Variants in ACMSD observed in about 807,000 individuals in gnomAD.
ACMSD encodes the protein aminocarboxymuconate semialdehyde decarboxylase, also known as 2-amino-3-carboxymuconate-6-semialdehyde decarboxylase.
A neutral mutation model predicts 45.9 loss-of-function variants in ACMSD; 37 were observed. The observed-to-expected ratio is 0.81, with a 90% CI of 0.62 to 1.06. The LOEUF (loss-of-function observed/expected upper bound fraction) is 1.06. Among genes scored for constraint, ACMSD ranks in the 50% least tolerant of loss-of-function variants. The probability of loss-of-function intolerance (pLI) is 0.00; values close to 1 mark genes in which losing one functional copy is unlikely to be tolerated. For synonymous variants in ACMSD, 138 were observed against 148.8 expected (o/e 0.93, Z 0.53); for missense variants, 434 against 420.9 (o/e 1.03, Z -0.27).
intron 8 of ACMSD, among the ~76,000 whole-genome samples, chr2:134,885,305 A>ATATAT: frequency 1.2e-4 from 6 of 49,434 alleles, no homozygotes; most frequent in Admixed American, 8.2e-4. Context: ...ATATATATTT[A>ATATAT]AATATATATA....
chr2:134,847,409 T>C (rs1291275600), intron 2 of ACMSD, among the ~76,000 whole-genome samples: 3 of 140,892 alleles, frequency 2.1e-5, no homozygotes, highest in Non-Finnish European at 4.5e-5. Context: ...GATAGATAGA[T>C]AGATAGATAG....
intron 2 of ACMSD, among the ~76,000 whole-genome samples, chr2:134,856,129 T>C (rs980110711): frequency 3.8e-4 from 58 of 152,226 alleles, no homozygotes; most frequent in African/African-American, 1.1e-3. Flanking sequence ...TTTATATGGA[T>C]TATCTTATTT....
rs370574477 is a variant in ACMSD, at chr2:134,872,533, T to C, written c.741T>C (p.Cys247=). Residue 247 remains cysteine (C), a synonymous_variant, in exon 8 of 10, where the codon TGT becomes TGC. Transcript: ENST00000356140. ...GATTCAGCATGCGCCCAGATCTGTGTGCCCAGGACAACCCCATGAACCCGA... is the reference window on the plus strand; with the variant it reads ...GATTCAGCATGCGCCCAGATCTGTGCGCCCAGGACAACCCCATGAACCCGA... ...SHGFSMRPDL[C]AQDNPMNPKK... 2 of 1,614,048 alleles carry C rather than the reference T, an allele frequency of 1.2e-6. No individual in the cohort carries two copies. Among genetic ancestry groups the C allele is most frequent in the African/African-American group, 2.7e-5 (2 of 74,926 alleles).
intron 8 of ACMSD, among the ~76,000 whole-genome samples, chr2:134,894,184 T>A (rs1244301189): frequency 6.6e-6 from 1 of 151,772 alleles, no homozygotes; most frequent in African/African-American, 2.4e-5. Flanking sequence ...CAAAATTTGG[T>A]TCTTTGAAAA....
intron 3 of ACMSD, among the ~76,000 whole-genome samples, chr2:134,860,119 C>T (rs948540939): frequency 2.6e-5 from 4 of 152,224 alleles, no homozygotes; most frequent in African/African-American, 7.2e-5. Context: ...AAAAATTAGC[C>T]AGGCATGCTG....
In ACMSD at chr2:134,872,479, C is replaced by G; in HGVS notation, c.687C>G (p.Phe229Leu). 1 of 1,614,154 alleles carries G rather than the reference C, an allele frequency of 6.2e-7. No individual in the cohort carries two copies. The highest frequency in any genetic ancestry group is 8.5e-7 in the Non-Finnish European group (1 of 1,180,026). Residue 229 changes from phenylalanine (F) to leucine (L), a missense_variant, in exon 8 of 10, where the codon TTC becomes TTG. By Grantham distance (22) the Phe-to-Leu change is conservative. Transcript: ENST00000356140. ...KVCFAHGGGA[F>L]PFTVGRISHG... is the part of the protein sequence containing the mutation. ...GGGTTTTACTTGCAGGTGGTGCCTT[C>G]CCCTTCACAGTGGGAAGAATCTCCC...
intron 2 of ACMSD, among the ~76,000 whole-genome samples, chr2:134,852,972 GGCCATCAT>G (rs757090177): frequency 1.2e-4 from 19 of 152,084 alleles, no homozygotes; most frequent in Non-Finnish European, 2.8e-4. Flanking sequence ...AGACCAGCCT[GGCCATCAT>G]GGTGAAACCC....
chr2:134,878,705 T>A (rs1688883111), intron 8 of ACMSD, among the ~76,000 whole-genome samples: 3 of 152,340 alleles, frequency 2.0e-5, no homozygotes, highest in Non-Finnish European at 4.4e-5. Flanking sequence ...GCTGAGCAGT[T>A]TGTACAGACT....
intron 9 of ACMSD, among the ~76,000 whole-genome samples, chr2:134,899,196 T>C (rs1056936719): frequency 1.3e-5 from 2 of 152,174 alleles, no homozygotes; most frequent in African/African-American, 4.8e-5. Flanking sequence ...TCTTCTAAAC[T>C]AGAATCCAAA....
chr2:134,872,993 A>G (rs1323657574), intron 8 of ACMSD: 1 of 216,878 alleles, frequency 4.6e-6, no homozygotes, highest in Admixed American at 4.9e-5. Context: ...CACAAGTTTC[A>G]AAGTCAAATT....
rs745554810 is a variant in ACMSD, at chr2:134,867,653, C to T, written c.561C>T (p.Tyr187=). 2 of 1,613,768 alleles carry T rather than the reference C, an allele frequency of 1.2e-6. No individual in the cohort carries two copies. Among genetic ancestry groups the T allele is most frequent in the Non-Finnish European group, 1.7e-6 (2 of 1,179,798 alleles). ...AGATGGATGGACGAATGGCCAAATA[C>T]TGGCTCCCTTGGCTTGTAGGTTTGT... ...DMQMDGRMAK[Y]WLPWLVGMPA... Residue 187 remains tyrosine, a synonymous_variant, in exon 6 of 10, where the codon TAC becomes TAT. Transcript: ENST00000356140.
In ACMSD at chr2:134,872,455, G is replaced by T. The variant is rs765944905; in HGVS notation, c.677-14G>T. 11 of 1,613,914 alleles carry T rather than the reference G, an allele frequency of 6.8e-6. No individual in the cohort carries two copies. Among genetic ancestry groups the T allele is most frequent in the African/African-American group, 2.7e-5 (2 of 74,892 alleles). ...AATCAACACTAGCCCCTCAGTAATG[G>T]GTTTTACTTGCAGGTGGTGCCTTCC... On this transcript the variant is annotated splice_polypyrimidine_tract_variant and intron_variant, in intron 7 of 9. Coordinates refer to ENST00000356140, the MANE Select transcript of ACMSD (RefSeq NM_138326.3).
intron 2 of ACMSD, among the ~76,000 whole-genome samples, chr2:134,848,593 T>C (rs1190590196): frequency 3.3e-5 from 5 of 152,224 alleles, no homozygotes; most frequent in African/African-American, 1.2e-4. Flanking sequence ...GAAGTGTCTG[T>C]TCATATCCTT....
At chr2:134,866,234 C>A (rs1688089291) in intron 5 of ACMSD, among the ~76,000 whole-genome samples, 1 of 151,970 alleles carries the variant, frequency 6.6e-6, no homozygotes, top group Non-Finnish European at 1.5e-5. Flanking sequence ...ATGCAATTTA[C>A]CTATATAACC....
chr2:134,839,365 T>C (rs985553703), intron 1 of ACMSD, among the ~76,000 whole-genome samples: 1 of 152,216 alleles, frequency 6.6e-6, no homozygotes, highest in Admixed American at 6.5e-5. Flanking sequence ...AAGAGAGTAT[T>C]CTTTGTGTTT....
intron 8 of ACMSD, among the ~76,000 whole-genome samples, chr2:134,885,599 C>A (rs1201983755): frequency 6.7e-6 from 1 of 149,826 alleles, no homozygotes; most frequent in Non-Finnish European, 1.5e-5. Flanking sequence ...TTATTCTAAA[C>A]TTGTATCAAA....
intron 3 of ACMSD, 89 bp from the exon 4 acceptor site, chr2:134,861,880 G>C: frequency 7.0e-7 from 1 of 1,427,016 alleles, no homozygotes; most frequent in Non-Finnish European, 9.9e-7. Context: ...GTTTAGGGTG[G>C]AGGCTTGCTG....
intron 9 of ACMSD, 73 bp from the exon 10 acceptor site, chr2:134,901,725 C>A (rs1479311515): frequency 9.2e-7 from 1 of 1,082,800 alleles, no homozygotes; most frequent in Non-Finnish European, 1.3e-6. Flanking sequence ...TTTTTTAAAC[C>A]TGATCAATGT....
At chr2:134,858,668 T>G (rs1227544910) in intron 2 of ACMSD, among the ~76,000 whole-genome samples, 2 of 151,990 alleles carry the variant, frequency 1.3e-5, no homozygotes, top group African/African-American at 4.8e-5. Flanking sequence ...GTATAAAAAT[T>G]ATTGCTGTGT....
Sources: allele counts gnomAD v4.1 joint callset (sites outside exome capture counted in the v4.1 genomes callset), GRCh38; gene constraint gnomAD v4.1.1; transcripts MANE v1.5; gene names NCBI Gene and HGNC (gene_info 2026-07-23, HGNC 2026-07-21).